Variants in AKAP11 observed in about 807,000 individuals in gnomAD.
AKAP11 encodes A-kinase anchor protein 11.
A neutral mutation model predicts 146.1 loss-of-function variants in AKAP11; 36 were observed. That is an observed-to-expected ratio of 0.25 (90% CI 0.19 to 0.33). AKAP11 has a LOEUF of 0.33. AKAP11 is among the 10% of genes least tolerant of loss of function. The probability of loss-of-function intolerance (pLI) is 1.00; values close to 1 mark genes in which losing one functional copy is unlikely to be tolerated. For missense variants in AKAP11, 2,201 were observed against 2,197.0 expected (o/e 1.00, Z -0.04); for synonymous variants, 780 against 786.5 (o/e 0.99, Z 0.14).
chr13:42,294,697 G>A (rs2138539110), intron 4 of AKAP11, among the ~76,000 whole-genome samples: 1 of 152,050 alleles, frequency 6.6e-6, no homozygotes, highest in South Asian at 2.1e-4. Context: ...CACTGCACCT[G>A]GCCAGTATAT....
chr13:42,276,448 G>T (rs1227037735), intron 1 of AKAP11, among the ~76,000 whole-genome samples: 2 of 152,036 alleles, frequency 1.3e-5, no homozygotes, highest in African/African-American at 4.8e-5. Flanking sequence ...GTTTCACCGT[G>T]TTGGCCAGGC....
At chr13:42,276,345 C>A (rs1182199117) in intron 1 of AKAP11, among the ~76,000 whole-genome samples, 1 of 152,156 alleles carries the variant, frequency 6.6e-6, no homozygotes, top group African/African-American at 2.4e-5. Flanking sequence ...TCCCAGGGCT[C>A]AAGCGATTCT....
intron 1 of AKAP11, among the ~76,000 whole-genome samples, chr13:42,280,025 A>G (rs2138427986): frequency 6.6e-6 from 1 of 152,310 alleles, no homozygotes; most frequent in East Asian, 1.9e-4. Flanking sequence ...GGTGGAATAT[A>G]TTATGGTTTA....
Position 42,300,517 on chromosome 13 carries a change from G to A in AKAP11, c.1771G>A (p.Val591Ile). 6.2e-7 allele frequency: 1 copy of A among 1,614,088 alleles called. No homozygotes were observed. Among genetic ancestry groups the A allele is most frequent in the Non-Finnish European group, 8.5e-7 (1 of 1,179,976 alleles). Residue 591 changes from valine to isoleucine, a missense_variant, in exon 8 of 13, where the codon GTT becomes ATT. Physicochemically the swap from Val to Ile is conservative, Grantham distance 29. Transcript: ENST00000025301. ...CTTAGCCATCAAATTGACATCATCT[G>A]TTTTGCAGATGGCATTTGATGAGCT... ...YHLAIKLTSS[V>I]LQMAFDELRR...
At position 42,300,702 on chromosome 13, in the gene AKAP11, A is replaced by G. The variant is rs776069164; in HGVS notation, c.1956A>G (p.Glu652=). 1 of 1,614,130 alleles carries G rather than the reference A, an allele frequency of 6.2e-7. No homozygotes were observed. Among genetic ancestry groups the G allele is most frequent in the Non-Finnish European group, 8.5e-7 (1 of 1,179,960 alleles). Residue 652 remains glutamate (E), a synonymous_variant, in exon 8 of 13, where the codon GAA becomes GAG. Transcript: ENST00000025301. ...TVARFAADLA[E]ELVFEGIMEV... The stretch of plus-strand genomic sequence containing the variant: ...CTAGGTTTGCTGCAGATCTTGCTGA[A>G]GAGCTTGTTTTTGAAGGCATCATGG...
rs530889789 is a variant in AKAP11, at chr13:42,277,477, A to G, written c.-100+5249A>G. On this transcript the variant is annotated intron_variant, in intron 1 of 12. Coordinates refer to ENST00000025301, the MANE Select transcript of AKAP11 (RefSeq NM_016248.4). The stretch of plus-strand genomic sequence containing the variant: ...AACTAGACCCATGTTATTCCTTTCA[A>G]TACCAGTGGCTAGTTGGGCTCAAAC... Among the ~76,000 whole-genome samples the G allele has an allele frequency of 1.2e-4, 18 of 152,320 alleles. No homozygotes were observed. In the South Asian group the frequency reaches 3.7e-3, roughly 32 times the overall value.
Position 42,286,304 on chromosome 13 carries a change from T to G in AKAP11, c.-45T>G, listed in dbSNP as rs1258811776. ...GTTTTAATATGTTTTCTTTAGGTGT[T>G]TTGTGGATTAACTCTTCATTGATTA... On this transcript the variant is annotated 5_prime_UTR_variant, in exon 3 of 13. Coordinates refer to ENST00000025301, the MANE Select transcript of AKAP11 (RefSeq NM_016248.4). 12 of 1,354,486 alleles carry G rather than the reference T, an allele frequency of 8.9e-6. No individual in the cohort carries two copies. The highest frequency in any genetic ancestry group is 1.2e-5 in the Non-Finnish European group (12 of 980,960). The allele number at this position is 1,354,486 out of a possible 1,614,324, so 83.9% of individuals were successfully genotyped here. A position where few individuals can be genotyped will look rare whatever the true frequency, so the allele number is the denominator to read the frequency against.
Position 42,303,839 on chromosome 13 carries a change from C to T in AKAP11, c.5093C>T (p.Thr1698Ile). Residue 1698 changes from threonine (T) to isoleucine (I), a missense_variant, in exon 8 of 13, where the codon ACA (threonine) becomes ATA (isoleucine). Transcript: ENST00000025301. ...ACAGAAACCATGACAGCAGCTGTCA[C>T]AAATGTTGGGCATGCTGTTAGCAGG... ...LATETMTAAV[T>I]NVGHAVSSSK... 1 of 1,588,032 alleles carries T rather than the reference C, an allele frequency of 6.3e-7. No homozygotes were observed. The highest frequency in any genetic ancestry group is 8.6e-7 in the Non-Finnish European group (1 of 1,167,902).
In AKAP11 at chr13:42,313,907, G is replaced by T. The variant is rs779846693; in HGVS notation, c.5371G>T (p.Asp1791Tyr). Reference sequence around the variant, plus strand: ...TTTATTCATAAGTGATGGACCAGATGATAAAGATGAAGAGCATGAGGACGA... The same window carrying T: ...TTTATTCATAAGTGATGGACCAGATTATAAAGATGAAGAGCATGAGGACGA... ...FPTSDSDGPD[D>Y]KDEEHEDEVE... is the part of the protein sequence containing the mutation. Residue 1791 changes from aspartate (D) to tyrosine (Y), a missense_variant, in exon 11 of 13, where the codon GAT (aspartate) becomes TAT (tyrosine). Asp to Tyr is a radical substitution (Grantham distance 160). Around this residue, in one of 3 missense-constraint regions of AKAP11, gnomAD observed 1,867 missense variants for 1,833.5 expected, o/e 1.02. Coordinates refer to ENST00000025301, the MANE Select transcript of AKAP11 (RefSeq NM_016248.4). 14 of 1,613,666 alleles carry T rather than the reference G, an allele frequency of 8.7e-6. No homozygotes were observed. The highest frequency in any genetic ancestry group is 1.0e-5 in the Non-Finnish European group (12 of 1,179,758).
chr13:42,308,902 ATTT>A (rs36028644), intron 9 of AKAP11, among the ~76,000 whole-genome samples: 2 of 150,630 alleles, frequency 1.3e-5, no homozygotes, highest in African/African-American at 4.9e-5. Flanking sequence ...CTGAGGAAAA[ATTT>A]TTTTTTTCAC....
Position 42,301,263 on chromosome 13 carries a change from T to G in AKAP11, c.2517T>G (p.Pro839=), listed in dbSNP as rs143733333. Reference sequence around the variant, plus strand: ...CTTGTCTCAGAAATATTTGTTTACCTTCAGAACACAATCCAGGTAATCAGA... The same window carrying G: ...CTTGTCTCAGAAATATTTGTTTACCGTCAGAACACAATCCAGGTAATCAGA... The part of the protein sequence containing the change: ...KAACLRNICL[P]SEHNPGNQND... The change falls in exon 8 of 13, where the codon CCT becomes CCG. Residue 839 remains proline (P), a synonymous_variant. Coordinates refer to ENST00000025301, the MANE Select transcript of AKAP11 (RefSeq NM_016248.4). 1.9e-5 allele frequency: 30 copies of G among 1,613,850 alleles called. No individual in the cohort carries two copies. The highest frequency in any genetic ancestry group is 2.5e-5 in the Non-Finnish European group (30 of 1,179,966).
At chr13:42,294,937 T>C (rs1959420898) in intron 4 of AKAP11, among the ~76,000 whole-genome samples, 1 of 152,230 alleles carries the variant, frequency 6.6e-6, no homozygotes, top group Non-Finnish European at 1.5e-5. Context: ...AAATCATTTT[T>C]CTATGACTTG....
intron 7 of AKAP11, 88 bp downstream of exon 7, chr13:42,298,885 T>G: frequency 1.5e-6 from 2 of 1,319,736 alleles, no homozygotes; most frequent in Non-Finnish European, 2.0e-6. Flanking sequence ...TCAGTTGAAA[T>G]TTATGTTGAG....
rs757280966 is a variant in AKAP11, at chr13:42,303,010, G to A, written c.4264G>A (p.Asp1422Asn). 2 of 1,612,884 alleles carry A rather than the reference G, an allele frequency of 1.2e-6. No homozygotes were observed. Among genetic ancestry groups the A allele is most frequent in the East Asian group, 2.2e-5 (1 of 44,870 alleles). Residue 1422 changes from aspartate (D) to asparagine (N), a missense_variant, in exon 8 of 13, where the codon GAC becomes AAC. Asp to Asn is a conservative substitution (Grantham distance 23). Coordinates refer to ENST00000025301, the MANE Select transcript of AKAP11 (RefSeq NM_016248.4). ...FSNKEHHQEA[D>N]KKRQSKRNEG... ...AAACAAAGAGCACCACCAAGAAGCA[G>A]ACAAAAAGAGACAAAGTAAAAGAAA...
In AKAP11 at chr13:42,292,346, A is replaced by G. The variant is rs76201993; in HGVS notation, c.52-39A>G. 2,917 of 1,298,362 alleles carry G rather than the reference A, an allele frequency of 2.2e-3. 41 individuals carry two copies. The African/African-American group carries it at 0.038, about 17-fold the overall frequency. 80.4% of individuals were successfully genotyped at this position (1,298,362 alleles called of 1,614,324 possible). A position where few individuals can be genotyped will look rare whatever the true frequency, so the allele number is the denominator to read the frequency against. On this transcript the variant is annotated intron_variant, in intron 3 of 12. Transcript: ENST00000025301. ...GATCTCTTACCCTTGTCTTAGAATT[A>G]AATAAATTTGAAATATCTTTGCTTT...
In AKAP11 at chr13:42,292,524, C is replaced by A. The variant is rs764066382; in HGVS notation, c.168+23C>A. On this transcript the variant is annotated intron_variant, in intron 4 of 12. Transcript: ENST00000025301. Reference sequence around the variant, plus strand: ...GAGGTTTAACATACTACTTTCTAAACCCTTTCCTAATAATGCACAGCATAT... The same window carrying A: ...GAGGTTTAACATACTACTTTCTAAAACCTTTCCTAATAATGCACAGCATAT... The A allele has an allele frequency of 3.0e-5, 42 of 1,412,804 alleles. No homozygotes were observed. The Middle Eastern group carries it at 3.0e-3, about 102-fold the overall frequency. The allele number at this position is 1,412,804 out of a possible 1,614,324, so 87.5% of individuals were successfully genotyped here. A position where few individuals can be genotyped will look rare whatever the true frequency, so the allele number is the denominator to read the frequency against.
intron 7 of AKAP11, 107 bp from the exon 8 acceptor site, chr13:42,299,256 T>TA: frequency 1.1e-6 from 1 of 885,432 alleles, no homozygotes; most frequent in East Asian, 2.7e-5. Flanking sequence ...GTTTAGAAGA[T>TA]ACACATAAAT....
At chr13:42,306,324 G>A (rs373792366) in intron 8 of AKAP11, among the ~76,000 whole-genome samples, 5 of 151,952 alleles carry the variant, frequency 3.3e-5, no homozygotes, top group African/African-American at 1.2e-4. Context: ...TCTGCCCTAC[G>A]GACCCATCCA....
rs923734113 is a variant in AKAP11 at position 42,308,514 on chromosome 13, C to T, written c.5178C>T (p.Leu1726=). 1 of 1,613,038 alleles carries T rather than the reference C, an allele frequency of 6.2e-7. No homozygotes were observed. The highest frequency in any genetic ancestry group is 8.5e-7 in the Non-Finnish European group (1 of 1,179,278). The change falls in exon 9 of 13, where the codon CTC becomes CTT. Residue 1726 remains leucine, a synonymous_variant. Transcript: ENST00000025301. ...CTGTCAGTAGCCAGCAGATGAACCT[C>T]AGTATTGGTGATGACAGCACTGGTA... ...TESVSSQQMN[L]SIGDDSTGSW...
Sources: gnomAD v4.1 joint callset for allele counts (sites outside exome capture counted in the v4.1 genomes callset) on GRCh38, gnomAD v4.1.1 for gene constraint, gnomAD v4.1.1 regional missense constraint, MANE v1.5 for transcripts, NCBI Gene and HGNC (gene_info 2026-07-23, HGNC 2026-07-21) for gene names.